The following COL23A1 variants were observed in gnomAD, a reference collection of about 807,000 sequenced individuals.
The protein encoded by COL23A1 is collagen alpha-1(XXIII) chain.
Under a neutral mutation model 99.3 loss-of-function variants are expected in COL23A1, and 97 were observed. The observed-to-expected ratio is 0.98, with a 90% CI of 0.83 to 1.16. The LOEUF (loss-of-function observed/expected upper bound fraction) is 1.16. COL23A1 is among the 50% of genes most tolerant of loss of function. The probability of loss-of-function intolerance (pLI) is 0.00; values close to 1 mark genes in which losing one functional copy is unlikely to be tolerated. For missense variants in COL23A1, 762 were observed against 757.4 expected (o/e 1.01, Z -0.07); for synonymous variants, 320 against 308.2 (o/e 1.04, Z -0.40).
intron 2 of COL23A1, among the ~76,000 whole-genome samples, chr5:178,511,388 T>C (rs1188623893): frequency 2.0e-5 from 3 of 152,188 alleles, no homozygotes; most frequent in Admixed American, 6.5e-5. Flanking sequence ...AACTACTCCT[T>C]TGAAAGAGAA....
intron 22 of COL23A1, 147 bp downstream of exon 22, chr5:178,247,379 T>A: frequency 1.2e-6 from 1 of 842,974 alleles, no homozygotes; most frequent in South Asian, 1.7e-5. Context: ...GGTTATGCCC[T>A]GGGGACTTGG....
At chr5:178,493,956 T>G (rs1758065476) in intron 2 of COL23A1, among the ~76,000 whole-genome samples, 1 of 152,218 alleles carries the variant, frequency 6.6e-6, no homozygotes, top group South Asian at 2.1e-4. Flanking sequence ...CAGACTTTTA[T>G]TAGGTATGAG....
In COL23A1 at chr5:178,242,111, G is replaced by A. The variant is rs1178075504; in HGVS notation, c.1512C>T (p.Pro504=). The A allele has an allele frequency of 1.3e-6, 2 of 1,553,074 alleles. No homozygotes were observed. Among genetic ancestry groups the A allele is most frequent in the Non-Finnish European group, 1.7e-6 (2 of 1,148,016 alleles). ...TCTGGCCCTTCACTCCTTTCCGGCC[G>A]GGGACCCCTCGTTCTCCCTGTGCAG... ...ERGEKGERGV[P]GRKGVKGQKG... The change falls in exon 27 of 29, where the codon CCC becomes CCT. Residue 504 remains proline, a synonymous_variant. Coordinates refer to ENST00000390654, the MANE Select transcript of COL23A1 (RefSeq NM_173465.4).
intron 3 of COL23A1, among the ~76,000 whole-genome samples, chr5:178,298,106 C>T (rs2973785): frequency 0.65 from 99,214 of 152,072 alleles, 32,945 homozygotes; most frequent in African/African-American, 0.7. Flanking sequence ...AGGATGGTTC[C>T]ACTGACTTTG....
intron 2 of COL23A1, among the ~76,000 whole-genome samples, chr5:178,498,094 C>T (rs931365039): frequency 2.2e-4 from 33 of 149,770 alleles, no homozygotes; most frequent in African/African-American, 7.8e-4. Flanking sequence ...ACTCTGGGTG[C>T]GGTGGCTCAC....
At chr5:178,296,621 C>T (rs1044672618) in intron 3 of COL23A1, among the ~76,000 whole-genome samples, 1 of 152,106 alleles carries the variant, frequency 6.6e-6, no homozygotes, top group East Asian at 1.9e-4. Context: ...CAGAGGTCCC[C>T]GGGAGGGTGT....
chr5:178,562,207 A>G (rs935109694), intron 1 of COL23A1: 1 of 370,368 alleles, frequency 2.7e-6, no homozygotes, highest in Admixed American at 3.1e-5. Flanking sequence ...GCGACACCGC[A>G]CTCCAGCCTG....
chr5:178,347,426 G>T (rs1761036474), intron 2 of COL23A1, among the ~76,000 whole-genome samples: 1 of 150,180 alleles, frequency 6.7e-6, no homozygotes, highest in Non-Finnish European at 1.5e-5. Flanking sequence ...GGACGGGCAT[G>T]GGGGGAGGGG....
chr5:178,275,586 G>C (rs774867840), intron 5 of COL23A1, among the ~76,000 whole-genome samples: 6 of 152,140 alleles, frequency 3.9e-5, no homozygotes, highest in Admixed American at 1.3e-4. Context: ...TGAGGTCAGC[G>C]TGCTCCCTGA....
rs1183788190 is a variant in COL23A1, at chr5:178,309,515, G to A, written c.362-2596C>T. Among the ~76,000 whole-genome samples, 1 of 152,084 alleles carries A rather than the reference G, an allele frequency of 6.6e-6. No individual in the cohort carries two copies. The highest frequency in any genetic ancestry group is 1.9e-4 in the East Asian group (1 of 5,192). On this transcript the variant is annotated intron_variant, in intron 2 of 28. Coordinates refer to ENST00000390654, the MANE Select transcript of COL23A1 (RefSeq NM_173465.4). The surrounding 1 kb of genome is among the most constrained non-coding windows in gnomAD (Gnocchi z 4.7). Reference sequence around the variant, plus strand: ...CCTAACCAGGCACGGTGCTGGGGGCGCCATGTGACCGACTTGCAGATGGAC... The same window carrying A: ...CCTAACCAGGCACGGTGCTGGGGGCACCATGTGACCGACTTGCAGATGGAC...
In COL23A1 at chr5:178,259,711, C is replaced by T. The variant is rs777906627; in HGVS notation, c.729+10G>A. On this transcript the variant is annotated intron_variant, in intron 12 of 28. Coordinates refer to ENST00000390654, the MANE Select transcript of COL23A1 (RefSeq NM_173465.4). ...ACTGACCCGGAAGCTCCTCCATTGGCCCCTCTCACCTTCTTTCCAGGTACT... is the reference window on the plus strand; with the variant it reads ...ACTGACCCGGAAGCTCCTCCATTGGTCCCTCTCACCTTCTTTCCAGGTACT... 8 of 1,601,756 alleles carry T rather than the reference C, an allele frequency of 5.0e-6. No homozygotes were observed. In the African/African-American group the frequency reaches 6.7e-5, roughly 13 times the overall value.
chr5:178,498,234 AT>A lies in COL23A1; in HGVS notation c.361+62447del, dbSNP rs1562025552. Among the ~76,000 whole-genome samples the A allele has an allele frequency of 3.9e-3, 227 of 58,716 alleles. 13 individuals carry two copies. The East Asian group carries it at 0.044, about 11-fold the overall frequency. 38.5% of individuals were successfully genotyped at this position (58,716 alleles called of 152,430 possible). ...TATATATATATATATATATATATAT[AT>A]ATATATATATATATATATATATAAA... is the stretch of plus-strand genomic sequence containing the variant. On this transcript the variant is annotated intron_variant, in intron 2 of 28. Coordinates refer to ENST00000390654, the MANE Select transcript of COL23A1 (RefSeq NM_173465.4).
intron 2 of COL23A1, among the ~76,000 whole-genome samples, chr5:178,501,570 G>A (rs1200635309): frequency 1.3e-5 from 2 of 148,658 alleles, no homozygotes; most frequent in African/African-American, 5.0e-5. Context: ...GAAAGGCTCT[G>A]TCTCAAAAAA....
chr5:178,325,007 C>T (rs574290709), intron 2 of COL23A1, among the ~76,000 whole-genome samples: 8 of 152,236 alleles, frequency 5.3e-5, no homozygotes, highest in South Asian at 2.1e-4. Flanking sequence ...ACAAACACCT[C>T]GCGAAGCAGC....
At chr5:178,246,022 C>T in intron 24 of COL23A1, 54 bp from the exon 25 acceptor site, 1 of 1,603,938 alleles carries the variant, frequency 6.2e-7, no homozygotes, top group Admixed American at 1.7e-5. Context: ...GCTGGGAGCA[C>T]AGCTGCTGGG....
At position 178,579,404 on chromosome 5, in the gene COL23A1, T is replaced by C. The variant is rs1256838797; in HGVS notation, c.294+10500A>G. On this transcript the variant is annotated intron_variant, in intron 1 of 28. Coordinates refer to ENST00000390654, the MANE Select transcript of COL23A1 (RefSeq NM_173465.4). ...ACTCATTTACCGGAGGTCACACAGC[T>C]GGAAAATAGCAGTGCTGGGATGTGA... Among the ~76,000 whole-genome samples, 4 of 152,186 alleles carry C rather than the reference T, an allele frequency of 2.6e-5. No individual in the cohort carries two copies. The South Asian group carries it at 8.3e-4, about 32-fold the overall frequency.
chr5:178,298,344 T>C (rs1366994357), intron 3 of COL23A1, among the ~76,000 whole-genome samples: 1 of 152,210 alleles, frequency 6.6e-6, no homozygotes, highest in African/African-American at 2.4e-5. Flanking sequence ...CGTGGTGATC[T>C]TGAGAGTCCC....
rs771763953 is a variant in COL23A1 at position 178,247,556 on chromosome 5, CAGG to C, written c.1270-7_1270-5del. The C allele has an allele frequency of 6.2e-6, 10 of 1,614,000 alleles. No homozygotes were observed. The highest frequency in any genetic ancestry group is 2.2e-5 in the South Asian group (2 of 91,082). On this transcript the variant is annotated splice_region_variant and splice_polypyrimidine_tract_variant and intron_variant, in intron 21 of 28. Coordinates refer to ENST00000390654, the MANE Select transcript of COL23A1 (RefSeq NM_173465.4). ...GACCCTGGATTCCCTGGAGGCCCTG[CAGG>C]AGGAGGAAGCAGATAAGAAGGCTGG...
chr5:178,250,714 G>T (rs1350012750), intron 17 of COL23A1, among the ~76,000 whole-genome samples: 1 of 67,552 alleles, frequency 1.5e-5, no homozygotes, highest in Non-Finnish European at 5.2e-5. Context: ...TGGGCATGGT[G>T]GTTCACACCT....
Sources: gnomAD v4.1 joint callset for allele counts (sites outside exome capture counted in the v4.1 genomes callset) on GRCh38, gnomAD v4.1.1 for gene constraint, Gnocchi (gnomAD v3.1) non-coding constraint, MANE v1.5 for transcripts, NCBI Gene and HGNC (gene_info 2026-07-23, HGNC 2026-07-21) for gene names.